CTDSPL: variants seen among roughly 807,000 people sequenced by gnomAD.
The protein encoded by CTDSPL is CTD small phosphatase like.
In CTDSPL, 8 loss-of-function variants were observed where a neutral mutation model predicts 30.5. The ratio of observed to expected loss-of-function variants is 0.26; its 90% CI spans 0.15 to 0.47. The LOEUF is 0.47. Among genes scored for constraint, CTDSPL ranks in the 20% least tolerant of loss-of-function variants. CTDSPL has a pLI of 0.99. For missense variants in CTDSPL, 248 were observed against 366.1 expected (o/e 0.68, Z 2.63); for synonymous variants, 110 against 137.9 (o/e 0.80, Z 1.42).
chr3:37,880,928 G>A (rs186000717), intron 1 of CTDSPL, among the ~76,000 whole-genome samples: 1 of 151,214 alleles, frequency 6.6e-6, no homozygotes. Flanking sequence ...CTAAGAGTCA[G>A]ATTTGGCCAT....
At chr3:37,964,032 T>TAAAAAAAAAAAAAAAAAAAAAAA (rs58061973) in intron 3 of CTDSPL, among the ~76,000 whole-genome samples, 1 of 22,990 alleles carries the variant, frequency 4.3e-5, no homozygotes, top group Non-Finnish European at 8.9e-5. Flanking sequence ...TCTCAGTCAC[T>TAAAAAAAAAAAAAAAAAAAAAAA]AAAAAAAAAA....
intron 7 of CTDSPL, among the ~76,000 whole-genome samples, chr3:37,976,316 G>A (rs1699427253): frequency 6.6e-6 from 1 of 152,098 alleles, no homozygotes; most frequent in African/African-American, 2.4e-5. Context: ...AAGGAGGCCT[G>A]GTTGATCTCT....
chr3:37,915,438 C>T (rs1253153260), intron 1 of CTDSPL, among the ~76,000 whole-genome samples: 2 of 152,138 alleles, frequency 1.3e-5, no homozygotes, highest in African/African-American at 2.4e-5. Flanking sequence ...TAGTCCTGCT[C>T]ACTACTCCTT....
In CTDSPL at chr3:37,862,283, G is replaced by A. The variant is rs1343543968; in HGVS notation, c.79+5G>A. On this transcript the variant is annotated splice_donor_5th_base_variant and intron_variant, in intron 1 of 7. Coordinates refer to ENST00000273179, the MANE Select transcript of CTDSPL (RefSeq NM_001008392.2). The surrounding 1 kb of genome is among the most constrained non-coding windows in gnomAD (Gnocchi z 4.3). Reference sequence around the variant, plus strand: ...TGCCGGGCGCGGGCGAGAAAGGTGAGGAGGGGCGCAGGCGGCCGCGGGCTG... The same window carrying A: ...TGCCGGGCGCGGGCGAGAAAGGTGAAGAGGGGCGCAGGCGGCCGCGGGCTG... The A allele has an allele frequency of 1.3e-6, 2 of 1,491,732 alleles. No homozygotes were observed. The highest frequency in any genetic ancestry group is 1.3e-5 in the South Asian group (1 of 78,878). The allele number at this position is 1,491,732 out of a possible 1,614,324, so 92.4% of individuals were successfully genotyped here. A position where few individuals can be genotyped will look rare whatever the true frequency, so the allele number is the denominator to read the frequency against.
At chr3:37,916,725 A>G (rs1248200035) in intron 1 of CTDSPL, among the ~76,000 whole-genome samples, 1 of 152,168 alleles carries the variant, frequency 6.6e-6, no homozygotes, top group Non-Finnish European at 1.5e-5. Context: ...CTGTTGTTTT[A>G]AGCTATCCTG....
chr3:37,905,534 A>T (rs1698504878), intron 1 of CTDSPL, among the ~76,000 whole-genome samples: 1 of 152,182 alleles, frequency 6.6e-6, no homozygotes, highest in African/African-American at 2.4e-5. Flanking sequence ...AGGCTGGGAG[A>T]ATACTCTGTC....
At position 37,984,458 on chromosome 3, in the gene CTDSPL, T is replaced by G; in HGVS notation, c.*3591T>G. The stretch of plus-strand genomic sequence containing the variant: ...ATTTCCTTCCTGCCAAAAATAAACA[T>G]GTGAAACTGCACTCTTTTGTGGATT... On this transcript the variant is annotated 3_prime_UTR_variant, in exon 8 of 8. Coordinates refer to ENST00000273179, the MANE Select transcript of CTDSPL (RefSeq NM_001008392.2). The G allele has an allele frequency of 2.6e-6, 1 of 385,036 alleles. No individual in the cohort carries two copies. Among genetic ancestry groups the G allele is most frequent in the Non-Finnish European group, 5.3e-6 (1 of 187,456 alleles). The allele number at this position is 385,036 out of a possible 1,614,324, so 23.9% of individuals were successfully genotyped here.
At chr3:37,889,875 G>C (rs994602531) in intron 1 of CTDSPL, among the ~76,000 whole-genome samples, 1 of 152,164 alleles carries the variant, frequency 6.6e-6, no homozygotes, top group Non-Finnish European at 1.5e-5. Flanking sequence ...GTTATTTTCC[G>C]TTTAGAATTT....
intron 1 of CTDSPL, among the ~76,000 whole-genome samples, chr3:37,924,951 G>A (rs1376344989): frequency 2.6e-5 from 4 of 152,064 alleles, no homozygotes; most frequent in Non-Finnish European, 2.9e-5. Flanking sequence ...TCTCCTCAAA[G>A]CATTCACTGA....
Position 37,975,829 on chromosome 3 carries a change from G to A in CTDSPL, c.640G>A (p.Glu214Lys). Residue 214 changes from glutamate (E) to lysine (K), a missense_variant, in exon 7 of 8, where the codon GAG becomes AAG. Glu to Lys is a moderately conservative substitution (Grantham distance 56, BLOSUM62 1). Around this residue, in one of 4 missense-constraint regions of CTDSPL, gnomAD observed 84 missense variants for 139.4 expected, o/e 0.60. Transcript: ENST00000273179. The surrounding 1 kb of genome is among the most constrained non-coding windows in gnomAD (Gnocchi z 4.9). ...GAAGGACCTGAGTCGCCTTGGGCGG[G>A]AGCTGAGCAAAGTGATCATTGTTGA... The part of the protein sequence containing the change: ...YVKDLSRLGR[E>K]LSKVIIVDNS... 4 of 1,614,176 alleles carry A rather than the reference G, an allele frequency of 2.5e-6. No homozygotes were observed. Among genetic ancestry groups the A allele is most frequent in the South Asian group, 1.1e-5 (1 of 91,080 alleles).
At position 37,982,883 on chromosome 3, in the gene CTDSPL, G is replaced by A. The variant is rs1699508537; in HGVS notation, c.*2016G>A. 2 of 332,638 alleles carry A rather than the reference G, an allele frequency of 6.0e-6. No homozygotes were observed. 20.6% of individuals were successfully genotyped at this position (332,638 alleles called of 1,614,324 possible). ...TCTGTCATGTGTTGATATCCACACA[G>A]AATTAGGCCCTAATGAGAGCCTTAG... On this transcript the variant is annotated 3_prime_UTR_variant, in exon 8 of 8. Coordinates refer to ENST00000273179, the MANE Select transcript of CTDSPL (RefSeq NM_001008392.2).
At chr3:37,909,431 A>G (rs7640933) in intron 1 of CTDSPL, among the ~76,000 whole-genome samples, 17,971 of 152,276 alleles carry the variant, frequency 0.12, 1,138 homozygotes, top group Middle Eastern at 0.17. Flanking sequence ...TTTCAGAGAA[A>G]TGGGCTTCAG....
intron 1 of CTDSPL, among the ~76,000 whole-genome samples, chr3:37,945,914 T>A (rs9835844): frequency 0.024 from 3,656 of 152,322 alleles, 145 homozygotes; most frequent in African/African-American, 0.083. Flanking sequence ...GGTTTTGTGA[T>A]CTCTTGGGAG....
intron 1 of CTDSPL, among the ~76,000 whole-genome samples, chr3:37,878,153 G>A (rs1350831132): frequency 6.6e-6 from 1 of 152,078 alleles, no homozygotes; most frequent in African/African-American, 2.4e-5. Flanking sequence ...ATGAGTGTGA[G>A]GTATTAACAG....
chr3:37,937,125 A>G (rs1380347651), intron 1 of CTDSPL, among the ~76,000 whole-genome samples: 1 of 150,472 alleles, frequency 6.6e-6, no homozygotes, highest in African/African-American at 2.4e-5. Flanking sequence ...TACAGCATGG[A>G]CAAGTGAGTA....
chr3:37,892,152 T>C (rs1698335249), intron 1 of CTDSPL, among the ~76,000 whole-genome samples: 1 of 152,208 alleles, frequency 6.6e-6, no homozygotes, highest in South Asian at 2.1e-4. Flanking sequence ...TTAGTATCAG[T>C]GCTGCATTAA....
chr3:37,980,436 G>A (rs1699476743), intron 7 of CTDSPL, among the ~76,000 whole-genome samples: 1 of 152,208 alleles, frequency 6.6e-6, no homozygotes, highest in African/African-American at 2.4e-5. Flanking sequence ...AAGTTGGCAA[G>A]TAGCAAGGCT....
At chr3:37,931,964 T>C (rs538234290) in intron 1 of CTDSPL, among the ~76,000 whole-genome samples, 3 of 152,256 alleles carry the variant, frequency 2.0e-5, no homozygotes, top group African/African-American at 7.2e-5. Flanking sequence ...TGTAAAGTGT[T>C]AGACTAGCCA....
At chr3:37,903,450 G>C (rs937776140) in intron 1 of CTDSPL, among the ~76,000 whole-genome samples, 19 of 152,314 alleles carry the variant, frequency 1.2e-4, no homozygotes, top group East Asian at 3.9e-4. Flanking sequence ...GCTGGGGCAG[G>C]GGGTGGGAGA....
Sources: allele counts gnomAD v4.1 joint callset (sites outside exome capture counted in the v4.1 genomes callset), GRCh38; gene constraint gnomAD v4.1.1; regional missense constraint gnomAD v4.1.1; non-coding constraint Gnocchi (gnomAD v3.1); transcripts MANE v1.5; gene names NCBI Gene and HGNC (gene_info 2026-07-23, HGNC 2026-07-21).